ZSWIM3: variants seen among roughly 807,000 people sequenced by gnomAD.
ZSWIM3 encodes zinc finger SWIM-type containing 3, also known as zinc finger SWIM domain-containing protein 3.
A neutral mutation model predicts 47.5 loss-of-function variants in ZSWIM3; 27 were observed. The ratio of observed to expected loss-of-function variants is 0.57; its 90% CI spans 0.42 to 0.78. The LOEUF (loss-of-function observed/expected upper bound fraction) is 0.78. Among genes scored for constraint, ZSWIM3 ranks in the 30% least tolerant of loss-of-function variants. The pLI is 0.00. For missense variants in ZSWIM3, 689 were observed against 861.3 expected (o/e 0.80, Z 2.50); for synonymous variants, 333 against 333.9 (o/e 1.00, Z 0.03).
rs1245646785 is a variant in ZSWIM3 at position 45,857,706 on chromosome 20, A to G, written c.-120A>G. The G allele has an allele frequency of 6.3e-6, 8 of 1,260,296 alleles. No individual in the cohort carries two copies. Among genetic ancestry groups the G allele is most frequent in the African/African-American group, 3.0e-5 (2 of 66,786 alleles). 78.1% of individuals were successfully genotyped at this position (1,260,296 alleles called of 1,614,324 possible). ...AGAATAGGCCACCCAGTTGGGGCGG[A>G]CCCTTAAGGCATTCTGGGCCCACGC... On this transcript the variant is annotated 5_prime_UTR_variant, in exon 1 of 2. Transcript: ENST00000255152.
At chr20:45,867,134 G>A (rs2145788402) in intron 1 of ZSWIM3, among the ~76,000 whole-genome samples, 1 of 151,422 alleles carries the variant, frequency 6.6e-6, no homozygotes, top group Non-Finnish European at 1.5e-5. Flanking sequence ...AGCCTCCTGA[G>A]TAGCTGGGAT....
Position 45,858,089 on chromosome 20 carries a change from C to CA in ZSWIM3, c.155+110dup. On this transcript the variant is annotated intron_variant, in intron 1 of 1. Coordinates refer to ENST00000255152, the MANE Select transcript of ZSWIM3 (RefSeq NM_080752.4). ...ATAGGCACGCATTGGGCTGCGTGGC[C>CA]ATTCATTCAACAGGCACTCATTGAG... 2.5e-6 allele frequency: 3 copies of CA among 1,215,006 alleles called. No homozygotes were observed. The South Asian group carries it at 4.3e-5, about 18-fold the overall frequency. The allele number at this position is 1,215,006 out of a possible 1,614,324, so 75.3% of individuals were successfully genotyped here. A position where few individuals can be genotyped will look rare whatever the true frequency, so the allele number is the denominator to read the frequency against.
At chr20:45,858,084 G>A in intron 1 of ZSWIM3, 104 bp downstream of exon 1, 1 of 1,278,342 alleles carries the variant, frequency 7.8e-7, no homozygotes. Flanking sequence ...ATTGGGCTGC[G>A]TGGCCATTCA....
At position 45,878,389 on chromosome 20, in the gene ZSWIM3, G is replaced by A. The variant is rs754132693; in HGVS notation, c.1831G>A (p.Glu611Lys). Residue 611 changes from glutamate to lysine, a missense_variant, in exon 2 of 2, where the codon GAG becomes AAG. By Grantham distance (56) the Glu-to-Lys change is moderately conservative. Coordinates refer to ENST00000255152, the MANE Select transcript of ZSWIM3 (RefSeq NM_080752.4). ...RGMVPNTGQP[E>K]KQGRNDMIQD... ...TATGGTCCCAAACACAGGCCAGCCTGAGAAGCAAGGACGGAACGACATGAT... is the reference window on the plus strand; with the variant it reads ...TATGGTCCCAAACACAGGCCAGCCTAAGAAGCAAGGACGGAACGACATGAT... The A allele has an allele frequency of 2.2e-5, 35 of 1,614,142 alleles. No homozygotes were observed. The highest frequency in any genetic ancestry group is 2.3e-5 in the Non-Finnish European group (27 of 1,180,066).
Position 45,877,974 on chromosome 20 carries a change from C to T in ZSWIM3, c.1416C>T (p.Thr472=), listed in dbSNP as rs1049831952. The part of the protein sequence containing the change: ...ESLTSLPAEE[T]KPDAQQVQVQ... ...TTACCAGCCTCCCTGCAGAAGAGACCAAGCCAGACGCACAGCAGGTACAGG... is the reference window on the plus strand; with the variant it reads ...TTACCAGCCTCCCTGCAGAAGAGACTAAGCCAGACGCACAGCAGGTACAGG... The change falls in exon 2 of 2, where the codon ACC becomes ACT. Residue 472 remains threonine, a synonymous_variant. Transcript: ENST00000255152. 1.2e-6 allele frequency: 2 copies of T among 1,614,088 alleles called. No individual in the cohort carries two copies. Among genetic ancestry groups the T allele is most frequent in the Non-Finnish European group, 1.7e-6 (2 of 1,180,022 alleles).
chr20:45,865,212 G>C (rs1275122786), intron 1 of ZSWIM3, among the ~76,000 whole-genome samples: 4 of 151,750 alleles, frequency 2.6e-5, no homozygotes, highest in Non-Finnish European at 5.9e-5. Flanking sequence ...CCAGCTACTT[G>C]GGAGGCTGAG....
chr20:45,862,993 A>C (rs1008288242), intron 1 of ZSWIM3, among the ~76,000 whole-genome samples: 4 of 152,204 alleles, frequency 2.6e-5, no homozygotes, highest in African/African-American at 9.6e-5. Flanking sequence ...ACTGAGGCTG[A>C]ACAAACATGT....
chr20:45,857,914 T>G lies in ZSWIM3; in HGVS notation c.89T>G (p.Leu30Arg), dbSNP rs773292954. ...YKRENRCSFI[L>R]RDCVSVRFHN... Reference sequence around the variant, plus strand: ...AGGGAGAACAGGTGCTCCTTCATTCTCAGGGACTGCGTCTCCGTCCGCTTC... The same window carrying G: ...AGGGAGAACAGGTGCTCCTTCATTCGCAGGGACTGCGTCTCCGTCCGCTTC... The change falls in exon 1 of 2, where the codon CTC becomes CGC. Residue 30 changes from leucine to arginine, a missense_variant. By Grantham distance (102) the Leu-to-Arg change is moderately radical (BLOSUM62 -2). Coordinates refer to ENST00000255152, the MANE Select transcript of ZSWIM3 (RefSeq NM_080752.4). 1 of 1,602,536 alleles carries G rather than the reference T, an allele frequency of 6.2e-7. No individual in the cohort carries two copies. The highest frequency in any genetic ancestry group is 1.1e-5 in the South Asian group (1 of 90,826).
intron 1 of ZSWIM3, among the ~76,000 whole-genome samples, chr20:45,866,281 G>C (rs1430793556): frequency 6.6e-6 from 1 of 152,180 alleles, no homozygotes; most frequent in Non-Finnish European, 1.5e-5. Flanking sequence ...CTTGGTGACA[G>C]AGCGAGACTC....
chr20:45,872,239 G>C (rs1218999336), intron 1 of ZSWIM3, among the ~76,000 whole-genome samples: 1 of 152,182 alleles, frequency 6.6e-6, no homozygotes, highest in African/African-American at 2.4e-5. Context: ...CAGTGGTAGG[G>C]GAGAACTAAA....
At chr20:45,865,854 G>T (rs531852014) in intron 1 of ZSWIM3, among the ~76,000 whole-genome samples, 6 of 151,444 alleles carry the variant, frequency 4.0e-5, no homozygotes, top group Non-Finnish European at 7.4e-5. Flanking sequence ...TTAGCTGGGC[G>T]TGGTGGCAGG....
At chr20:45,861,291 C>T (rs1985702187) in intron 1 of ZSWIM3, among the ~76,000 whole-genome samples, 1 of 152,106 alleles carries the variant, frequency 6.6e-6, no homozygotes, top group Non-Finnish European at 1.5e-5. Flanking sequence ...TGGTGTGTGC[C>T]TGTAGTACCA....
At position 45,878,507 on chromosome 20, in the gene ZSWIM3, A is replaced by C. The variant is rs780574081; in HGVS notation, c.1949A>C (p.Asp650Ala). The C allele has an allele frequency of 3.7e-6, 6 of 1,614,084 alleles. No homozygotes were observed. The African/African-American group carries it at 8.0e-5, about 22-fold the overall frequency. Residue 650 changes from aspartate to alanine, a missense_variant, in exon 2 of 2, where the codon GAT becomes GCT. By Grantham distance (126) the Asp-to-Ala change is moderately radical (BLOSUM62 -2). Transcript: ENST00000255152. The part of the protein sequence containing the change: ...ERYSTLRKIV[D>A]IWAGPSQPSE... ...TACTCCACCCTGCGCAAGATTGTGG[A>C]TATCTGGGCTGGCCCCTCCCAGCCA...
At chr20:45,860,446 G>A (rs1479073454) in intron 1 of ZSWIM3, among the ~76,000 whole-genome samples, 1 of 150,194 alleles carries the variant, frequency 6.7e-6, no homozygotes, top group Non-Finnish European at 1.5e-5. Flanking sequence ...GGGAGGTGGA[G>A]GTTGCAGTGA....
chr20:45,876,231 G>A (rs1207637270), intron 1 of ZSWIM3, among the ~76,000 whole-genome samples: 11 of 151,908 alleles, frequency 7.2e-5, no homozygotes, highest in South Asian at 4.1e-4. Flanking sequence ...TAGTAGAGTC[G>A]GGGTTTCTCC....
rs185877894 is a variant in ZSWIM3, at chr20:45,870,232, C to T, written c.156-6482C>T. On this transcript the variant is annotated intron_variant, in intron 1 of 1. Coordinates refer to ENST00000255152, the MANE Select transcript of ZSWIM3 (RefSeq NM_080752.4). ...TAGCATGCCTGTAGTCCCAGCTACT[C>T]GGGAGGCTGAGGCAGGAGAATCGCT... Among the ~76,000 whole-genome samples the T allele has an allele frequency of 4.9e-4, 75 of 151,620 alleles. 1 individual carries two copies. In the East Asian group the frequency reaches 0.011, roughly 22 times the overall value.
In ZSWIM3 at chr20:45,877,004, C is replaced by G. The variant is rs767070629; in HGVS notation, c.446C>G (p.Ser149Trp). ...GCCGAGAAGTCCCTGGTTGAGCCAT[C>G]GTTTTGCCTAGATAAGGTACAAGTG... Reference protein sequence around the residue: ...DTAEKSLVEPSFCLDKVQVSS... With the variant: ...DTAEKSLVEPWFCLDKVQVSS... The change falls in exon 2 of 2, where the codon TCG (serine) becomes TGG (tryptophan). Residue 149 changes from serine (S) to tryptophan (W), a missense_variant. Coordinates refer to ENST00000255152, the MANE Select transcript of ZSWIM3 (RefSeq NM_080752.4). The G allele has an allele frequency of 8.7e-6, 14 of 1,614,018 alleles. No individual in the cohort carries two copies. Among genetic ancestry groups the G allele is most frequent in the African/African-American group, 1.3e-5 (1 of 74,910 alleles).
chr20:45,874,096 T>G (rs1000675447), intron 1 of ZSWIM3, among the ~76,000 whole-genome samples: 4 of 152,134 alleles, frequency 2.6e-5, no homozygotes, highest in African/African-American at 9.7e-5. Context: ...GAAACATGAG[T>G]AGAAGCCAGA....
chr20:45,867,373 T>C (rs74274802), intron 1 of ZSWIM3, among the ~76,000 whole-genome samples: 8,571 of 152,204 alleles, frequency 0.056, 285 homozygotes, highest in South Asian at 0.13. Context: ...GTCACTGTAG[T>C]GAGGGCAGTG....
Sources: gnomAD v4.1 joint callset for allele counts (sites outside exome capture counted in the v4.1 genomes callset) on GRCh38, gnomAD v4.1.1 for gene constraint, MANE v1.5 for transcripts, NCBI Gene and HGNC (gene_info 2026-07-23, HGNC 2026-07-21) for gene names.